The following ANO6 variants were observed in gnomAD, a reference collection of about 807,000 sequenced individuals.
ANO6 encodes the protein anoctamin 6, also known as anoctamin-6.
ANO6 carries 106 observed loss-of-function variants against 117.5 expected under a neutral mutation model. The observed-to-expected ratio is 0.90, with a 90% CI of 0.77 to 1.06. The LOEUF (loss-of-function observed/expected upper bound fraction) is 1.06. Ranked by LOEUF, ANO6 falls within the 50% of genes least tolerant of loss-of-function variation. The pLI is 0.00. For synonymous variants in ANO6, 367 were observed against 385.1 expected, an observed-to-expected ratio of 0.95 and a Z score of 0.55; for missense variants, 955 against 1,121.1, an observed-to-expected ratio of 0.85 and a Z score of 2.12.
chr12:45,261,922 A>G lies in ANO6; in HGVS notation c.71-40092A>G, dbSNP rs577697777. The stretch of plus-strand genomic sequence containing the variant: ...CGTTTTCACTTAAATGGCATGTTTT[A>G]TGGACTATACAGTGAAGGCAAGCAC... On this transcript the variant is annotated intron_variant, in intron 1 of 19. Transcript: ENST00000320560. Among the ~76,000 whole-genome samples, 12 of 152,352 alleles carry G rather than the reference A, an allele frequency of 7.9e-5. 1 individual carries two copies. The South Asian group carries it at 2.5e-3, about 32-fold the overall frequency.
intron 2 of ANO6, among the ~76,000 whole-genome samples, chr12:45,324,558 A>T (rs1412736572): frequency 7.2e-5 from 11 of 152,176 alleles, no homozygotes; most frequent in Admixed American, 7.2e-4. Flanking sequence ...ATTACAGATT[A>T]TGACAGCACT....
intron 2 of ANO6, among the ~76,000 whole-genome samples, chr12:45,317,275 C>G: frequency 1.2e-5 from 1 of 83,044 alleles, no homozygotes; most frequent in Non-Finnish European, 2.5e-5. Flanking sequence ...TCCCCCCTCC[C>G]CCCACCCCAC....
chr12:45,407,911 A>G (rs1339285839), intron 15 of ANO6, among the ~76,000 whole-genome samples: 1 of 152,174 alleles, frequency 6.6e-6, no homozygotes, highest in Non-Finnish European at 1.5e-5. Context: ...TATCCCATCC[A>G]CTTTCCACAG....
chr12:45,262,399 C>T (rs1427814032), intron 1 of ANO6, among the ~76,000 whole-genome samples: 2 of 152,062 alleles, frequency 1.3e-5, no homozygotes, highest in East Asian at 3.9e-4. Flanking sequence ...TGTGCAATCA[C>T]CACCACTATC....
intron 10 of ANO6, among the ~76,000 whole-genome samples, chr12:45,382,841 CTT>C (rs1942203027): frequency 6.6e-6 from 1 of 152,146 alleles, no homozygotes; most frequent in African/African-American, 2.4e-5. Flanking sequence ...GAGTGTTAAT[CTT>C]TTTGCTGTGA....
intron 10 of ANO6, 98 bp downstream of exon 10, chr12:45,378,211 C>T: frequency 1.2e-5 from 14 of 1,201,828 alleles, no homozygotes; most frequent in Admixed American, 2.1e-5. Flanking sequence ...CTTGTATTGC[C>T]CAGGCTTCAA....
intron 1 of ANO6, among the ~76,000 whole-genome samples, chr12:45,230,001 A>T (rs562710759): frequency 6.6e-6 from 1 of 152,192 alleles, no homozygotes; most frequent in East Asian, 1.9e-4. Context: ...AAGCCTTCCA[A>T]TAATTATAAG....
intron 1 of ANO6, among the ~76,000 whole-genome samples, chr12:45,266,170 T>A (rs1036070879): frequency 6.6e-6 from 1 of 152,244 alleles, no homozygotes; most frequent in African/African-American, 2.4e-5. Flanking sequence ...GTTGTCTGCA[T>A]CTTAACCCAC....
chr12:45,262,703 C>T (rs1410985662), intron 1 of ANO6, among the ~76,000 whole-genome samples: 2 of 152,158 alleles, frequency 1.3e-5, no homozygotes, highest in Non-Finnish European at 2.9e-5. Flanking sequence ...GGATTACAGG[C>T]GTGAGCCACT....
At chr12:45,293,740 T>TTG (rs1555166003) in intron 1 of ANO6, among the ~76,000 whole-genome samples, 2 of 136,344 alleles carry the variant, frequency 1.5e-5, no homozygotes, top group Admixed American at 7.5e-5. Flanking sequence ...TTTTTTTTTT[T>TTG]TTTTTTTTTT....
intron 9 of ANO6, among the ~76,000 whole-genome samples, chr12:45,376,768 G>A (rs1379761794): frequency 6.6e-6 from 1 of 150,728 alleles, no homozygotes; most frequent in Non-Finnish European, 1.5e-5. Context: ...TGAGTTAGTG[G>A]GTGCAGCGCA....
chr12:45,251,084 A>AT (rs1947894898), intron 1 of ANO6, among the ~76,000 whole-genome samples: 1 of 152,028 alleles, frequency 6.6e-6, no homozygotes, highest in African/African-American at 2.4e-5. Flanking sequence ...AGGAAAAAAA[A>AT]CCCACAAAAA....
At chr12:45,301,476 G>C (rs1939486156) in intron 1 of ANO6, among the ~76,000 whole-genome samples, 1 of 151,926 alleles carries the variant, frequency 6.6e-6, no homozygotes, top group Non-Finnish European at 1.5e-5. Context: ...AATTAGTCAG[G>C]CATGGTAATA....
rs1203691800 is a variant in ANO6 at position 45,403,541 on chromosome 12, G to A, written c.1880+5G>A. ...CATACAAGAAGTATTATTGCCGTGA[G>A]TGTTAAATTGTATAGCCATGGGTAA... On this transcript the variant is annotated splice_donor_5th_base_variant and intron_variant, in intron 15 of 19. Transcript: ENST00000320560. The A allele has an allele frequency of 1.2e-6, 2 of 1,602,978 alleles. No individual in the cohort carries two copies. Among genetic ancestry groups the A allele is most frequent in the Non-Finnish European group, 1.7e-6 (2 of 1,170,258 alleles).
chr12:45,374,669 A>G (rs1229214411), intron 9 of ANO6, among the ~76,000 whole-genome samples: 3 of 131,146 alleles, frequency 2.3e-5, no homozygotes, highest in African/African-American at 8.8e-5. Context: ...CATGCTAAAA[A>G]CTCTCAATAA....
Position 45,378,051 on chromosome 12 carries a change from A to C in ANO6, c.1105-2A>C. 1 of 1,612,428 alleles carries C rather than the reference A, an allele frequency of 6.2e-7. No individual in the cohort carries two copies. The highest frequency in any genetic ancestry group is 8.5e-7 in the Non-Finnish European group (1 of 1,178,636). ...CATTTATATGTCATTTATATTTTCC[A>C]GAAATTGTGCATCTTCGACAGTTTT... On this transcript the variant is annotated splice_acceptor_variant, in intron 9 of 19. Coordinates refer to ENST00000320560, the MANE Select transcript of ANO6 (RefSeq NM_001025356.3). LOFTEE classifies it high-confidence loss of function.
At chr12:45,334,332 A>G (rs1302701756) in intron 3 of ANO6, among the ~76,000 whole-genome samples, 2 of 152,228 alleles carry the variant, frequency 1.3e-5, no homozygotes, top group Middle Eastern at 3.4e-3. Flanking sequence ...TCATTTAAGT[A>G]GTCTAGAGAT....
chr12:45,279,990 G>C (rs749038696), intron 1 of ANO6, among the ~76,000 whole-genome samples: 37 of 152,032 alleles, frequency 2.4e-4, no homozygotes, highest in Admixed American at 3.9e-4. Flanking sequence ...TTTTCCTCTG[G>C]GCTATTTTCA....
At chr12:45,289,804 G>A (rs989312208) in intron 1 of ANO6, among the ~76,000 whole-genome samples, 1 of 152,148 alleles carries the variant, frequency 6.6e-6, no homozygotes, top group Non-Finnish European at 1.5e-5. Flanking sequence ...AAGGTAATTG[G>A]CCAACCTTTT....
Sources: gnomAD v4.1 joint callset for allele counts (sites outside exome capture counted in the v4.1 genomes callset) on GRCh38, gnomAD v4.1.1 for gene constraint, MANE v1.5 for transcripts, NCBI Gene and HGNC (gene_info 2026-07-23, HGNC 2026-07-21) for gene names.